Variants in ASXL2 observed in about 807,000 individuals in gnomAD.
ASXL2 encodes the protein ASXL transcriptional regulator 2, also known as putative Polycomb group protein ASXL2.
Under a neutral mutation model 122.0 loss-of-function variants are expected in ASXL2, and 23 were observed. That is an observed-to-expected ratio of 0.19 (90% CI 0.14 to 0.27). The LOEUF (loss-of-function observed/expected upper bound fraction) is 0.27, where lower values mean the gene tolerates loss of function less well. Among genes scored for constraint, ASXL2 ranks in the 10% least tolerant of loss-of-function variants. ASXL2 has a pLI of 1.00. For synonymous variants in ASXL2, 650 were observed against 637.0 expected, an observed-to-expected ratio of 1.02 and a Z score of -0.31; for missense variants, 1,518 against 1,713.8, an observed-to-expected ratio of 0.89 and a Z score of 2.02.
At position 25,776,052 on chromosome 2, in the gene ASXL2, T is replaced by C. The variant is rs570454335; in HGVS notation, c.404-4512A>G. Among the ~76,000 whole-genome samples the C allele has an allele frequency of 5.2e-4, 79 of 152,328 alleles. 1 individual carries two copies. Among genetic ancestry groups the C allele is most frequent in the African/African-American group, 1.9e-3 (78 of 41,578 alleles). On this transcript the variant is annotated intron_variant, in intron 5 of 12. Transcript: ENST00000435504. ...AGTAAGCTAACAAAATTAAATTTAT[T>C]TTGAAAATGTTGGGGAAAAAAGCAT...
At position 25,742,009 on chromosome 2, in the gene ASXL2, T is replaced by C. The variant is rs185477431; in HGVS notation, c.*20A>G. 15 of 1,596,906 alleles carry C rather than the reference T, an allele frequency of 9.4e-6. No homozygotes were observed. Among genetic ancestry groups the C allele is most frequent in the Admixed American group, 3.4e-5 (2 of 59,302 alleles). On this transcript the variant is annotated 3_prime_UTR_variant, in exon 13 of 13. Coordinates refer to ENST00000435504, the MANE Select transcript of ASXL2 (RefSeq NM_018263.6). ...CCCTTCCCTTCCCCCTCCTTTACAGTGTATCTCTTTCTAGTCTCATTACCG... is the reference window on the plus strand; with the variant it reads ...CCCTTCCCTTCCCCCTCCTTTACAGCGTATCTCTTTCTAGTCTCATTACCG...
chr2:25,868,415 A>AT (rs796601568), intron 1 of ASXL2, among the ~76,000 whole-genome samples: 61 of 152,340 alleles, frequency 4.0e-4, no homozygotes, highest in African/African-American at 1.4e-3. Flanking sequence ...TCACAACATA[A>AT]TTTTTGCCAA....
intron 1 of ASXL2, among the ~76,000 whole-genome samples, chr2:25,860,339 A>T (rs181721702): frequency 1.0e-3 from 154 of 151,726 alleles, no homozygotes; most frequent in African/African-American, 3.4e-3. Context: ...GAAACAAAAA[A>T]ATATATATAT....
chr2:25,837,426 CAT>C (rs1163164175), intron 2 of ASXL2, among the ~76,000 whole-genome samples: 1 of 152,152 alleles, frequency 6.6e-6, no homozygotes, highest in Non-Finnish European at 1.5e-5. Flanking sequence ...TATAAAGTGA[CAT>C]ATTCATGTGA....
chr2:25,756,272 ATGTAATATCACTT>A (rs1259246897), intron 9 of ASXL2, among the ~76,000 whole-genome samples, 158 bp from the exon 10 acceptor site: 1 of 152,024 alleles, frequency 6.6e-6, no homozygotes, highest in Non-Finnish European at 1.5e-5. Flanking sequence ...CTGTTATTTA[ATGTAATATCACTT>A]TGTTCTAAAA....
intron 5 of ASXL2, among the ~76,000 whole-genome samples, chr2:25,788,231 T>C (rs1178742643): frequency 6.6e-6 from 1 of 152,182 alleles, no homozygotes; most frequent in Non-Finnish European, 1.5e-5. Context: ...GGTTTATAGA[T>C]CTAAATGTAA....
chr2:25,817,784 T>C (rs1288350192), intron 3 of ASXL2, among the ~76,000 whole-genome samples: 1 of 152,048 alleles, frequency 6.6e-6, no homozygotes, highest in African/African-American at 2.4e-5. Flanking sequence ...ACACACTGAA[T>C]AGCAAGGTAC....
chr2:25,832,017 C>T (rs984038708), intron 3 of ASXL2, among the ~76,000 whole-genome samples: 8 of 152,032 alleles, frequency 5.3e-5, no homozygotes, highest in African/African-American at 1.9e-4. Flanking sequence ...CTAAGTAAAA[C>T]TAAAAGTAGT....
chr2:25,787,264 T>C (rs932358613), intron 5 of ASXL2, among the ~76,000 whole-genome samples: 1 of 152,170 alleles, frequency 6.6e-6, no homozygotes, highest in African/African-American at 2.4e-5. Flanking sequence ...GATGAGGCAA[T>C]GTCTCTTCCC....
chr2:25,793,981 G>A (rs189648998), intron 5 of ASXL2, among the ~76,000 whole-genome samples: 2 of 152,274 alleles, frequency 1.3e-5, no homozygotes, highest in Admixed American at 1.3e-4. Context: ...GAGGAAAAGA[G>A]AAAATCTCCT....
chr2:25,810,648 C>T (rs1218153386), intron 3 of ASXL2: 3 of 784,432 alleles, frequency 3.8e-6, no homozygotes, highest in East Asian at 3.1e-5. Flanking sequence ...TAGTGGTGAT[C>T]CCAGCCATGG....
chr2:25,868,642 T>C (rs899485727), intron 1 of ASXL2, among the ~76,000 whole-genome samples: 1 of 152,210 alleles, frequency 6.6e-6, no homozygotes, highest in Admixed American at 6.5e-5. Flanking sequence ...CTTAGCATAA[T>C]TTTCTTTCAC....
chr2:25,804,202 G>C (rs2089044673), intron 4 of ASXL2, among the ~76,000 whole-genome samples: 1 of 152,168 alleles, frequency 6.6e-6, no homozygotes, highest in Non-Finnish European at 1.5e-5. Flanking sequence ...ACAACCATTG[G>C]GCACAGTGAT....
intron 5 of ASXL2, among the ~76,000 whole-genome samples, chr2:25,785,704 G>A (rs549172330): frequency 6.6e-6 from 1 of 151,790 alleles, no homozygotes; most frequent in African/African-American, 2.4e-5. Context: ...CCACCACCAC[G>A]CCTGGCTCAC....
chr2:25,812,018 G>A (rs1426883742), intron 3 of ASXL2, among the ~76,000 whole-genome samples: 2 of 152,156 alleles, frequency 1.3e-5, no homozygotes, highest in East Asian at 3.9e-4. Context: ...CTCCCAAAGT[G>A]CTGGGATTAC....
At chr2:25,822,082 C>A (rs1309001006) in intron 3 of ASXL2, among the ~76,000 whole-genome samples, 1 of 152,014 alleles carries the variant, frequency 6.6e-6, no homozygotes, top group African/African-American at 2.4e-5. Flanking sequence ...ATTGAGTTGG[C>A]GAGAAGAATT....
rs540705902 is a variant in ASXL2 at position 25,795,127 on chromosome 2, C to T, written c.403+4258G>A. 3.3e-5 allele frequency among the ~76,000 whole-genome samples: 5 copies of T among 152,186 alleles called. No individual in the cohort carries two copies. In the East Asian group the frequency reaches 5.8e-4, roughly 18 times the overall value. On this transcript the variant is annotated intron_variant, in intron 5 of 12. Coordinates refer to ENST00000435504, the MANE Select transcript of ASXL2 (RefSeq NM_018263.6). ...AACATGAATCACATGTGACATCATGCGCACCTCTCACCTCACCTTCTAGAT... is the reference window on the plus strand; with the variant it reads ...AACATGAATCACATGTGACATCATGTGCACCTCTCACCTCACCTTCTAGAT...
At chr2:25,864,688 G>T (rs2089879308) in intron 1 of ASXL2, among the ~76,000 whole-genome samples, 1 of 151,586 alleles carries the variant, frequency 6.6e-6, no homozygotes, top group Non-Finnish European at 1.5e-5. Context: ...AAATTCTCAG[G>T]GGTCACACTG....
At chr2:25,752,969 G>C (rs569898073) in intron 11 of ASXL2, among the ~76,000 whole-genome samples, 1 of 146,120 alleles carries the variant, frequency 6.8e-6, no homozygotes, top group Non-Finnish European at 1.5e-5. Context: ...TTTTAGAAAT[G>C]TATTTTTTTT....
Sources: allele counts gnomAD v4.1 joint callset (sites outside exome capture counted in the v4.1 genomes callset), GRCh38; gene constraint gnomAD v4.1.1; transcripts MANE v1.5; gene names NCBI Gene and HGNC (gene_info 2026-07-23, HGNC 2026-07-21).